ARFGEF1: variants seen among roughly 807,000 people sequenced by gnomAD.
The protein encoded by ARFGEF1 is ARF guanine nucleotide exchange factor 1, also known as brefeldin A-inhibited guanine nucleotide-exchange protein 1.
A neutral mutation model predicts 231.0 loss-of-function variants in ARFGEF1; 42 were observed. That is an observed-to-expected ratio of 0.18 (90% CI 0.14 to 0.24). The LOEUF (loss-of-function observed/expected upper bound fraction) is 0.24, where lower values mean the gene tolerates loss of function less well. Among genes scored for constraint, ARFGEF1 ranks in the 10% least tolerant of loss-of-function variants. ARFGEF1 has a pLI of 1.00. For synonymous variants in ARFGEF1, 710 were observed against 732.3 expected, an observed-to-expected ratio of 0.97 and a Z score of 0.49; for missense variants, 1,345 against 2,192.0, an observed-to-expected ratio of 0.61 and a Z score of 7.72.
In ARFGEF1 at chr8:67,269,437, C is replaced by T. The variant is rs774657931; in HGVS notation, c.1573-1995G>A. Among the ~76,000 whole-genome samples the T allele has an allele frequency of 8.0e-5, 12 of 150,136 alleles. 1 individual carries two copies. The Middle Eastern group carries it at 0.01, about 130-fold the overall frequency. On this transcript the variant is annotated intron_variant, in intron 10 of 38. Coordinates refer to ENST00000262215, the MANE Select transcript of ARFGEF1 (RefSeq NM_006421.5). ...GCGCGATCTTAGCTCACTGCAACCT[C>T]GGCCTCCCAGGTTCAAGCGATTGTC...
At chr8:67,309,625 A>AT (rs1343596271) in intron 1 of ARFGEF1, among the ~76,000 whole-genome samples, 1 of 152,220 alleles carries the variant, frequency 6.6e-6, no homozygotes, top group African/African-American at 2.4e-5. Flanking sequence ...ACTTAGATTC[A>AT]TAAGTTTTTA....
At chr8:67,248,092 A>C (rs1331514043) in intron 19 of ARFGEF1, among the ~76,000 whole-genome samples, 1 of 150,002 alleles carries the variant, frequency 6.7e-6, no homozygotes. Context: ...TACCCAAAGC[A>C]ATCTATAGAA....
At chr8:67,192,821 T>C (rs1181862670), downstream of ARFGEF1, among the ~76,000 whole-genome samples, 1 of 152,230 alleles carries the variant, frequency 6.6e-6, no homozygotes, top group Admixed American at 6.5e-5. Flanking sequence ...TTTATTTCTA[T>C]ATTCTTCTTA....
downstream of ARFGEF1, among the ~76,000 whole-genome samples, chr8:67,194,547 A>C (rs373866319): frequency 2.7e-3 from 411 of 152,346 alleles, 2 homozygotes; most frequent in African/African-American, 9.6e-3. Context: ...AATATATTTG[A>C]GGGAAGATAG....
At chr8:67,275,135 C>T (rs550274088) in intron 9 of ARFGEF1, among the ~76,000 whole-genome samples, 3 of 152,046 alleles carry the variant, frequency 2.0e-5, no homozygotes, top group South Asian at 4.2e-4. Flanking sequence ...ATTGAAGTAC[C>T]GTTTCCTTAC....
Position 67,228,402 on chromosome 8 carries a change from A to C in ARFGEF1, c.3381-138T>G, listed in dbSNP as rs1839448591. ...TTGGGTATTCAAATGAGTATTTTTC[A>C]TCATTTAGTTTAGTAACAAGTGTAG... On this transcript the variant is annotated intron_variant, in intron 23 of 38. Transcript: ENST00000262215. 11 of 724,492 alleles carry C rather than the reference A, an allele frequency of 1.5e-5. No homozygotes were observed. In the South Asian group the frequency reaches 2.1e-4, roughly 14 times the overall value. 44.9% of individuals were successfully genotyped at this position (724,492 alleles called of 1,614,324 possible).
chr8:67,252,748 T>C (rs16933209), intron 18 of ARFGEF1, among the ~76,000 whole-genome samples: 2,469 of 152,258 alleles, frequency 0.016, 69 homozygotes, highest in African/African-American at 0.057. Context: ...CCTCCTGGTG[T>C]TAGTTAGACC....
chr8:67,177,834 TAAG>T, intron 5 of ARFGEF1: 2 of 804,482 alleles, frequency 2.5e-6, no homozygotes, highest in East Asian at 2.4e-5. Context: ...AATATTGAAT[TAAG>T]AACGTAAGTC....
At chr8:67,190,756 C>T in intron 5 of ARFGEF1, 1 of 1,601,218 alleles carries the variant, frequency 6.2e-7, no homozygotes, top group South Asian at 1.1e-5. Flanking sequence ...AAGGACTAGA[C>T]ATTGTATGTA....
At chr8:67,317,066 T>C (rs942923634) in intron 1 of ARFGEF1, among the ~76,000 whole-genome samples, 2 of 152,136 alleles carry the variant, frequency 1.3e-5, no homozygotes, top group Non-Finnish European at 2.9e-5. Context: ...CACCCAAAGC[T>C]TGGGTAAGCT....
chr8:67,341,425 C>CAA (rs1186065653), intron 1 of ARFGEF1, among the ~76,000 whole-genome samples: 20 of 87,900 alleles, frequency 2.3e-4, no homozygotes, highest in African/African-American at 4.0e-4. Context: ...CCATCTCCAC[C>CAA]AAAAAAAAAA....
chr8:67,179,805 TTTG>T (rs1390474977), intron 5 of ARFGEF1: 7 of 1,176,460 alleles, frequency 6.0e-6, no homozygotes, highest in Non-Finnish European at 8.9e-6. Flanking sequence ...TTAGTATAAA[TTTG>T]TTGTTTTTGT....
intron 1 of ARFGEF1, among the ~76,000 whole-genome samples, chr8:67,317,435 G>A (rs1807369889): frequency 6.6e-6 from 1 of 152,088 alleles, no homozygotes; most frequent in Admixed American, 6.6e-5. Flanking sequence ...AAATTATGAT[G>A]TAGTTAGCAT....
intron 22 of ARFGEF1, among the ~76,000 whole-genome samples, chr8:67,236,388 A>G (rs1406672901): frequency 9.7e-6 from 1 of 103,232 alleles, no homozygotes; most frequent in African/African-American, 3.4e-5. Flanking sequence ...ATATATATAT[A>G]TATATATATA....
intron 5 of ARFGEF1, among the ~76,000 whole-genome samples, chr8:67,184,010 G>C (rs777069127): frequency 6.6e-6 from 1 of 151,862 alleles, no homozygotes. Context: ...CTGCCACCAC[G>C]CCTGGCTAAT....
At chr8:67,340,129 T>C (rs1389365391) in intron 1 of ARFGEF1, among the ~76,000 whole-genome samples, 1 of 152,212 alleles carries the variant, frequency 6.6e-6, no homozygotes, top group Non-Finnish European at 1.5e-5. Context: ...TAATTTTGAA[T>C]GGCAATACTC....
chr8:67,211,239 G>A (rs529824490), intron 34 of ARFGEF1, among the ~76,000 whole-genome samples: 24 of 151,310 alleles, frequency 1.6e-4, no homozygotes, highest in African/African-American at 5.8e-4. Context: ...AGCTACCCGG[G>A]AGGCTGAGGC....
In ARFGEF1 at chr8:67,334,393, A is replaced by C. The variant is rs954842151; in HGVS notation, c.124+8771T>G. Among the ~76,000 whole-genome samples, 3 of 152,140 alleles carry C rather than the reference A, an allele frequency of 2.0e-5. No homozygotes were observed. In the East Asian group the frequency reaches 5.8e-4, roughly 29 times the overall value. On this transcript the variant is annotated intron_variant, in intron 1 of 38. Coordinates refer to ENST00000262215, the MANE Select transcript of ARFGEF1 (RefSeq NM_006421.5). ...GTTAACAGTGTTTCAATGAAGTAAC[A>C]CTTCATCATAACAACTAGGATGGCT...
intron 19 of ARFGEF1, among the ~76,000 whole-genome samples, chr8:67,244,305 T>C (rs1488133984): frequency 1.0e-5 from 1 of 95,380 alleles, no homozygotes; most frequent in Non-Finnish European, 1.9e-5. Context: ...TCTCTCTCTG[T>C]TGTTGTTGTT....
Sources: gnomAD v4.1 joint callset for allele counts (sites outside exome capture counted in the v4.1 genomes callset) on GRCh38, gnomAD v4.1.1 for gene constraint, MANE v1.5 for transcripts, NCBI Gene and HGNC (gene_info 2026-07-23, HGNC 2026-07-21) for gene names.